Variants in THSD7B observed in about 807,000 individuals in gnomAD.
THSD7B encodes the protein thrombospondin type-1 domain-containing protein 7B.
THSD7B carries 138 observed loss-of-function variants against 213.6 expected under a neutral mutation model. The observed-to-expected ratio is 0.65, with a 90% CI of 0.56 to 0.74. The LOEUF (loss-of-function observed/expected upper bound fraction) is 0.74, where lower values mean the gene tolerates loss of function less well. Among genes scored for constraint, THSD7B ranks in the 30% least tolerant of loss-of-function variants. The pLI, the probability that THSD7B is intolerant of heterozygous loss-of-function variation, is 0.00. For missense variants in THSD7B, 1,931 were observed against 1,991.5 expected, an observed-to-expected ratio of 0.97 and a Z score of 0.58; for synonymous variants, 742 against 687.0, an observed-to-expected ratio of 1.08 and a Z score of -1.25.
At chr2:137,517,992 G>A (rs1277844067) in intron 15 of THSD7B, among the ~76,000 whole-genome samples, 1 of 152,148 alleles carries the variant, frequency 6.6e-6, no homozygotes, top group African/African-American at 2.4e-5. Flanking sequence ...GCCATAAAGT[G>A]GGTCATGCAC....
chr2:137,189,483 G>C lies in THSD7B; in HGVS notation c.1723+18545G>C, dbSNP rs1028958881. On this transcript the variant is annotated intron_variant, in intron 7 of 27. Transcript: ENST00000409968. ...GTGTCACCACTTAGGAAGCCACAAG[G>C]TCAACGTCACCCATGGCCTATGCCC... is the stretch of plus-strand genomic sequence containing the variant. 3.9e-5 allele frequency among the ~76,000 whole-genome samples: 6 copies of C among 151,954 alleles called. No homozygotes were observed. The East Asian group carries it at 1.2e-3, about 30-fold the overall frequency.
At chr2:136,980,377 G>T (rs1377455343) in intron 2 of THSD7B, among the ~76,000 whole-genome samples, 1 of 152,146 alleles carries the variant, frequency 6.6e-6, no homozygotes, top group East Asian at 1.9e-4. Context: ...GGAGACAGTG[G>T]CCACCCCCTC....
intron 12 of THSD7B, among the ~76,000 whole-genome samples, chr2:137,347,867 CATCTCTAA>C (rs1415792812): frequency 6.6e-6 from 1 of 151,036 alleles, no homozygotes; most frequent in Admixed American, 6.6e-5. Context: ...CTTAGATGTT[CATCTCTAA>C]AGCATTAAAA....
intron 1 of THSD7B, among the ~76,000 whole-genome samples, chr2:136,805,588 T>C (rs1320331333): frequency 2.0e-5 from 3 of 152,202 alleles, no homozygotes; most frequent in South Asian, 2.1e-4. Context: ...AGTTCGGTTC[T>C]CTCTCCCCTC....
intron 15 of THSD7B, among the ~76,000 whole-genome samples, chr2:137,557,053 A>T (rs375644778): frequency 2.0e-5 from 3 of 152,304 alleles, no homozygotes; most frequent in South Asian, 4.2e-4. Context: ...AAGTCCTTAG[A>T]GACCTACAAA....
chr2:137,284,681 T>C (rs1349609579), intron 12 of THSD7B, among the ~76,000 whole-genome samples: 3 of 152,148 alleles, frequency 2.0e-5, no homozygotes, highest in African/African-American at 7.2e-5. Flanking sequence ...CAGGAGCAGG[T>C]TGTTCAGTTT....
chr2:137,536,044 A>G (rs1023037690), intron 15 of THSD7B, among the ~76,000 whole-genome samples: 3 of 150,240 alleles, frequency 2.0e-5, no homozygotes, highest in Non-Finnish European at 3.0e-5. Context: ...AACCACGGGT[A>G]TGTGAGTCAC....
At chr2:136,928,270 C>T (rs1684572967) in intron 2 of THSD7B, among the ~76,000 whole-genome samples, 1 of 152,154 alleles carries the variant, frequency 6.6e-6, no homozygotes, top group African/African-American at 2.4e-5. Flanking sequence ...ATATAATTCA[C>T]TGAACGCTGT....
chr2:136,928,103 A>G (rs1366419706), intron 2 of THSD7B, among the ~76,000 whole-genome samples: 1 of 152,166 alleles, frequency 6.6e-6, no homozygotes, highest in African/African-American at 2.4e-5. Flanking sequence ...GCCCATCTTG[A>G]AAATATCATA....
chr2:136,923,042 G>A (rs1307251872), intron 2 of THSD7B, among the ~76,000 whole-genome samples: 2 of 152,092 alleles, frequency 1.3e-5, no homozygotes, highest in African/African-American at 4.8e-5. Context: ...TACACATTGT[G>A]CAACAGATCT....
At chr2:136,802,656 TATATATATA>T (rs1682209393) in intron 1 of THSD7B, among the ~76,000 whole-genome samples, 1 of 115,668 alleles carries the variant, frequency 8.6e-6, no homozygotes, top group South Asian at 2.6e-4. Flanking sequence ...TATATATATA[TATATATATA>T]TATATATATA....
chr2:136,866,968 T>TGGA (rs2104977534), intron 1 of THSD7B, among the ~76,000 whole-genome samples: 2 of 152,170 alleles, frequency 1.3e-5, no homozygotes, highest in African/African-American at 4.8e-5. Flanking sequence ...AATTGTATTA[T>TGGA]ATCATAATCT....
At chr2:136,950,184 G>A (rs370739439) in intron 2 of THSD7B, among the ~76,000 whole-genome samples, 71 of 152,238 alleles carry the variant, frequency 4.7e-4, no homozygotes, top group African/African-American at 1.6e-3. Flanking sequence ...CCTGGAAGGC[G>A]GAGGTTGCAG....
intron 17 of THSD7B, among the ~76,000 whole-genome samples, chr2:137,605,487 G>A (rs1682155349): frequency 6.6e-6 from 1 of 151,862 alleles, no homozygotes; most frequent in South Asian, 2.1e-4. Flanking sequence ...TATGTAACAG[G>A]TATTATGGTA....
chr2:137,242,030 C>T (rs1681918577), intron 9 of THSD7B, among the ~76,000 whole-genome samples: 1 of 151,822 alleles, frequency 6.6e-6, no homozygotes, highest in African/African-American at 2.4e-5. Context: ...TTTTGTTTTC[C>T]AATATATGTT....
chr2:137,074,355 C>T lies in THSD7B; in HGVS notation c.950+17125C>T, dbSNP rs369205800. 1.7e-3 allele frequency among the ~76,000 whole-genome samples: 265 copies of T among 152,146 alleles called. 1 individual carries two copies. Among genetic ancestry groups the T allele is most frequent in the African/African-American group, 6.2e-3 (258 of 41,480 alleles). On this transcript the variant is annotated intron_variant, in intron 3 of 27. Transcript: ENST00000409968. ...CATTATGTAATGGCCTTCTTTGTCT[C>T]TTTTGATCTTTGTTGGTTTAAAGTC...
At position 137,308,334 on chromosome 2, in the gene THSD7B, T is replaced by A. The variant is rs1340206829; in HGVS notation, c.2500+32308T>A. Among the ~76,000 whole-genome samples, 9 of 152,096 alleles carry A rather than the reference T, an allele frequency of 5.9e-5. No individual in the cohort carries two copies. In the East Asian group the frequency reaches 1.7e-3, roughly 29 times the overall value. Reference sequence around the variant, plus strand: ...CTTCCTGATCAGGTTCCAGACCAGCTTATTGTCTGATTAGTCTTGTATCAT... The same window carrying A: ...CTTCCTGATCAGGTTCCAGACCAGCATATTGTCTGATTAGTCTTGTATCAT... On this transcript the variant is annotated intron_variant, in intron 12 of 27. Coordinates refer to ENST00000409968, the MANE Select transcript of THSD7B (RefSeq NM_001316349.2).
intron 1 of THSD7B, among the ~76,000 whole-genome samples, chr2:136,846,259 C>G (rs1437193087): frequency 6.6e-6 from 1 of 152,062 alleles, no homozygotes; most frequent in Non-Finnish European, 1.5e-5. Flanking sequence ...TTATCACACT[C>G]ATACCCTGGG....
chr2:137,114,978 A>C, intron 4 of THSD7B, 146 bp from the exon 5 acceptor site: 1 of 799,702 alleles, frequency 1.3e-6, no homozygotes, highest in Non-Finnish European at 1.9e-6. Flanking sequence ...TTAGTAATTC[A>C]AAGCTAGTAT....
Sources: gnomAD v4.1 joint callset for allele counts (sites outside exome capture counted in the v4.1 genomes callset) on GRCh38, gnomAD v4.1.1 for gene constraint, MANE v1.5 for transcripts, NCBI Gene and HGNC (gene_info 2026-07-23, HGNC 2026-07-21) for gene names.